The following ATAD2B variants were observed in gnomAD, a reference collection of about 807,000 sequenced individuals.
ATAD2B encodes ATPase family AAA domain containing 2B, also known as ATPase family AAA domain-containing protein 2B.
ATAD2B carries 40 observed loss-of-function variants against 167.6 expected under a neutral mutation model. The observed-to-expected ratio is 0.24, with a 90% CI of 0.19 to 0.31. The LOEUF (loss-of-function observed/expected upper bound fraction) is 0.31, where lower values mean the gene tolerates loss of function less well. ATAD2B is among the 10% of genes least tolerant of loss of function. The pLI, the probability that ATAD2B is intolerant of heterozygous loss-of-function variation, is 1.00. For missense variants in ATAD2B, 1,242 were observed against 1,757.2 expected (o/e 0.71, Z 5.24); for synonymous variants, 579 against 596.5 (o/e 0.97, Z 0.43).
chr2:23,806,696 TA>T lies in ATAD2B; in HGVS notation c.2454+3619del, dbSNP rs569414340. ...TTGAATTTAAAGTCTTACCATTCATTAGCTGTAAGCAGTAGCAGTGGCAGCA... is the reference window on the plus strand; with the variant it reads ...TTGAATTTAAAGTCTTACCATTCATTGCTGTAAGCAGTAGCAGTGGCAGCA... On this transcript the variant is annotated intron_variant, in intron 18 of 27. Coordinates refer to ENST00000238789, the MANE Select transcript of ATAD2B (RefSeq NM_017552.4). Among the ~76,000 whole-genome samples the T allele has an allele frequency of 3.5e-3, 532 of 152,310 alleles. 6 individuals are homozygous for T. Among genetic ancestry groups the T allele is most frequent in the African/African-American group, 0.012 (514 of 41,562 alleles).
At position 23,926,579 on chromosome 2, in the gene ATAD2B, G is replaced by A. The variant is rs1307046497; in HGVS notation, c.192C>T (p.Ala64=). 3.9e-6 allele frequency: 6 copies of A among 1,555,168 alleles called. No homozygotes were observed. The South Asian group carries it at 4.7e-5, about 12-fold the overall frequency. ...CCCTGGCCTCATCCAGAGTGACGCC[G>A]GCGCCACCGCTTCCCCCGGCTTTGG... The part of the protein sequence containing the change: ...PAAKAGGSGG[A]GVTLDEARKV... Residue 64 remains alanine (A), a synonymous_variant, in exon 1 of 28, where the codon GCC becomes GCT. Transcript: ENST00000238789.
At chr2:23,888,808 T>G (rs1166407205) in intron 2 of ATAD2B, among the ~76,000 whole-genome samples, 1 of 152,222 alleles carries the variant, frequency 6.6e-6, no homozygotes, top group African/African-American at 2.4e-5. Context: ...AAAAAAGTGC[T>G]TGAATACCAA....
chr2:23,918,461 A>T (rs1286235319), intron 1 of ATAD2B, among the ~76,000 whole-genome samples: 3 of 152,140 alleles, frequency 2.0e-5, no homozygotes, highest in Non-Finnish European at 4.4e-5. Flanking sequence ...AAATATACAC[A>T]TATATAATAT....
intron 19 of ATAD2B, among the ~76,000 whole-genome samples, chr2:23,794,725 ATAC>A (rs1002987491): frequency 2.6e-5 from 4 of 152,102 alleles, no homozygotes; most frequent in Non-Finnish European, 4.4e-5. Context: ...CTGTTTTGCT[ATAC>A]TACTATTAAA....
chr2:23,863,121 C>T (rs1163561278), intron 12 of ATAD2B, among the ~76,000 whole-genome samples: 1 of 152,076 alleles, frequency 6.6e-6, no homozygotes, highest in Non-Finnish European at 1.5e-5. Context: ...AGCTGGCCAA[C>T]GTGGTGAAAT....
chr2:23,760,799 G>A (rs1676641313), intron 24 of ATAD2B, among the ~76,000 whole-genome samples: 1 of 139,692 alleles, frequency 7.2e-6, no homozygotes, highest in Non-Finnish European at 1.6e-5. Flanking sequence ...TGCTCTGTGT[G>A]AAAAGTCCAT....
At chr2:23,794,715 C>T (rs1044607529) in intron 19 of ATAD2B, among the ~76,000 whole-genome samples, 3 of 151,806 alleles carry the variant, frequency 2.0e-5, no homozygotes, top group African/African-American at 7.3e-5. Flanking sequence ...ATTAAATATA[C>T]TGTTTTGCTA....
the ATAD2B span, among the ~76,000 whole-genome samples, chr2:23,734,313 C>A: frequency 2.0e-5 from 3 of 152,084 alleles, no homozygotes; most frequent in African/African-American, 4.8e-5. Context: ...CGTGTCACCA[C>A]GCCTGGCTAA....
chr2:23,750,889 G>C lies in ATAD2B; in HGVS notation c.*1157C>G, dbSNP rs1490426354. 2 of 152,106 alleles carry C rather than the reference G, an allele frequency of 1.3e-5. No individual in the cohort carries two copies. Among genetic ancestry groups the C allele is most frequent in the Admixed American group, 6.6e-5 (1 of 15,250 alleles). 9.4% of individuals were successfully genotyped at this position (152,106 alleles called of 1,614,324 possible). On this transcript the variant is annotated 3_prime_UTR_variant, in exon 28 of 28. Coordinates refer to ENST00000238789, the MANE Select transcript of ATAD2B (RefSeq NM_017552.4). ...AGAAGAGTTGTGAAGGTAAGCTTAG[G>C]AGATGGGATTTAAACATTAATACTG...
chr2:23,859,745 C>T (rs1010888803), intron 12 of ATAD2B, among the ~76,000 whole-genome samples: 67 of 151,902 alleles, frequency 4.4e-4, no homozygotes, highest in Non-Finnish European at 6.8e-4. Flanking sequence ...GTCAGAAGTT[C>T]GAGACCAGCC....
intron 23 of ATAD2B, among the ~76,000 whole-genome samples, chr2:23,762,918 A>G (rs1453952895): frequency 6.6e-6 from 1 of 151,546 alleles, no homozygotes; most frequent in Non-Finnish European, 1.5e-5. Context: ...TTCTTACTCT[A>G]ATCTACACAT....
intron 1 of ATAD2B, among the ~76,000 whole-genome samples, chr2:23,907,468 A>T (rs1207716083): frequency 2.6e-5 from 4 of 152,150 alleles, no homozygotes; most frequent in African/African-American, 9.7e-5. Context: ...GAAATAAAAG[A>T]GGATACAAAC....
intron 13 of ATAD2B, among the ~76,000 whole-genome samples, chr2:23,850,741 T>C (rs1412151729): frequency 6.6e-6 from 1 of 152,232 alleles, no homozygotes; most frequent in African/African-American, 2.4e-5. Flanking sequence ...TAAGAGCAGA[T>C]ACGTGTCATT....
chr2:23,763,206 C>T (rs1172775595), intron 23 of ATAD2B, among the ~76,000 whole-genome samples: 1 of 152,148 alleles, frequency 6.6e-6, no homozygotes, highest in Admixed American at 6.6e-5. Context: ...AGTAATATGG[C>T]AGCCAGTTTT....
At chr2:23,824,707 C>T (rs1687976454) in intron 15 of ATAD2B, among the ~76,000 whole-genome samples, 1 of 152,100 alleles carries the variant, frequency 6.6e-6, no homozygotes. Context: ...ACAGATCAAG[C>T]CCCACTGTTT....
At chr2:23,803,434 A>C (rs1558559156) in intron 18 of ATAD2B, among the ~76,000 whole-genome samples, 4 of 152,194 alleles carry the variant, frequency 2.6e-5, no homozygotes, top group African/African-American at 7.2e-5. Flanking sequence ...AAAACCTAGA[A>C]TAGTAATATC....
At chr2:23,913,344 T>C (rs1702565346) in intron 1 of ATAD2B, among the ~76,000 whole-genome samples, 1 of 152,090 alleles carries the variant, frequency 6.6e-6, no homozygotes, top group African/African-American at 2.4e-5. Context: ...CTAATCAAAA[T>C]TCTAGTGGGG....
At chr2:23,839,531 AATTAAC>A (rs1330568695) in intron 13 of ATAD2B, among the ~76,000 whole-genome samples, 1 of 152,120 alleles carries the variant, frequency 6.6e-6, no homozygotes, top group African/African-American at 2.4e-5. Flanking sequence ...AAATGTGATA[AATTAAC>A]ATTAACTGAC....
Position 23,833,980 on chromosome 2 carries a change from G to A in ATAD2B, c.1667C>T (p.Pro556Leu). 1 of 1,613,348 alleles carries A rather than the reference G, an allele frequency of 6.2e-7. No individual in the cohort carries two copies. Among genetic ancestry groups the A allele is most frequent in the Non-Finnish European group, 8.5e-7 (1 of 1,179,676 alleles). ...AAAACGACCAGGTCTCCTGAGTGCA[G>A]GATCTATAGAGTCAAGTCTGTTTGT... ...GATNRLDSID[P>L]ALRRPGRFDR... The change falls in exon 14 of 28, where the codon CCT (proline) becomes CTT (leucine). Residue 556 changes from proline to leucine, a missense_variant. Physicochemically the swap from Pro to Leu is moderately conservative, Grantham distance 98. Coordinates refer to ENST00000238789, the MANE Select transcript of ATAD2B (RefSeq NM_017552.4).
Sources: gnomAD v4.1 joint callset for allele counts (sites outside exome capture counted in the v4.1 genomes callset) on GRCh38, gnomAD v4.1.1 for gene constraint, MANE v1.5 for transcripts, NCBI Gene and HGNC (gene_info 2026-07-23, HGNC 2026-07-21) for gene names.